The following CTNNA1 variants were observed in gnomAD, a reference collection of about 807,000 sequenced individuals.
CTNNA1 encodes catenin alpha-1.
A neutral mutation model predicts 98.4 loss-of-function variants in CTNNA1; 37 were observed. The observed-to-expected ratio is 0.38, with a 90% CI of 0.29 to 0.49. CTNNA1 has a LOEUF of 0.49. Ranked by LOEUF, CTNNA1 falls within the 20% of genes least tolerant of loss-of-function variation. The pLI is 0.95. For missense variants in CTNNA1, 761 were observed against 1,147.2 expected, an observed-to-expected ratio of 0.66 and a Z score of 4.86; for synonymous variants, 404 against 413.2, an observed-to-expected ratio of 0.98 and a Z score of 0.27.
At chr5:138,770,869 G>A (rs1020755589) in intron 1 of CTNNA1, among the ~76,000 whole-genome samples, 3 of 151,592 alleles carry the variant, frequency 2.0e-5, no homozygotes, top group Admixed American at 6.6e-5. Flanking sequence ...GGAGAATGGC[G>A]TGAACCCGGG....
intron 16 of CTNNA1, 138 bp downstream of exon 16, chr5:138,931,073 G>GC (rs1338703122): frequency 4.7e-6 from 3 of 641,588 alleles, no homozygotes; most frequent in African/African-American, 3.7e-5. Flanking sequence ...ATTAATCCCA[G>GC]CATAGATTTG....
intron 3 of CTNNA1, among the ~76,000 whole-genome samples, chr5:138,805,887 A>T (rs1011278534): frequency 1.3e-5 from 2 of 150,790 alleles, no homozygotes; most frequent in Non-Finnish European, 3.0e-5. Context: ...ACAAAATTTT[A>T]AATTTTTTTG....
intron 11 of CTNNA1, among the ~76,000 whole-genome samples, chr5:138,919,916 C>G (rs1032614480): frequency 2.0e-5 from 3 of 150,946 alleles, no homozygotes; most frequent in Non-Finnish European, 2.9e-5. Context: ...TTTCAGCATT[C>G]AGACTCCTTT....
intron 3 of CTNNA1, among the ~76,000 whole-genome samples, chr5:138,786,418 C>G (rs998514086): frequency 6.6e-6 from 1 of 152,032 alleles, no homozygotes; most frequent in African/African-American, 2.4e-5. Context: ...GTCGTTGAAG[C>G]CATTTACTCA....
chr5:138,809,262 C>T (rs1014783809), intron 3 of CTNNA1, among the ~76,000 whole-genome samples: 3 of 152,056 alleles, frequency 2.0e-5, no homozygotes, highest in Non-Finnish European at 2.9e-5. Context: ...GATACAATAC[C>T]TCTTCATTAT....
At chr5:138,855,514 T>G (rs1763654864) in intron 7 of CTNNA1, among the ~76,000 whole-genome samples, 1 of 152,254 alleles carries the variant, frequency 6.6e-6, no homozygotes, top group South Asian at 2.1e-4. Context: ...TTTTTCCTGT[T>G]TCCTAAAAAT....
chr5:138,894,216 G>A (rs552279254), intron 9 of CTNNA1, among the ~76,000 whole-genome samples: 2 of 151,966 alleles, frequency 1.3e-5, no homozygotes, highest in South Asian at 2.1e-4. Flanking sequence ...ACCATGCCTG[G>A]CCTCTGATGT....
intron 10 of CTNNA1, among the ~76,000 whole-genome samples, chr5:138,907,991 T>C (rs1283822011): frequency 6.6e-6 from 1 of 151,720 alleles, no homozygotes; most frequent in Non-Finnish European, 1.5e-5. Flanking sequence ...TTCTTCTTCT[T>C]CTTCGAGACA....
Position 138,827,480 on chromosome 5 carries a change from A to G in CTNNA1, c.859-35A>G, listed in dbSNP as rs1490582207. 6 of 1,603,832 alleles carry G rather than the reference A, an allele frequency of 3.7e-6. No individual in the cohort carries two copies. In the South Asian group the frequency reaches 5.5e-5, roughly 15 times the overall value. ...ACCTTGAATAAAGAAGGGAACAGAG[A>G]TGAGTACTAACATTCGGTAATACTT... On this transcript the variant is annotated intron_variant, in intron 6 of 17. Transcript: ENST00000302763.
intron 7 of CTNNA1, chr5:138,875,581 G>C (rs1751303579): frequency 1.0e-6 from 1 of 985,344 alleles, no homozygotes. Flanking sequence ...CTGCATTCAA[G>C]AAGACCCATC....
rs1039783904 is a variant in CTNNA1, at chr5:138,773,250, A to G, written c.-2-8673A>G. 3.3e-4 allele frequency among the ~76,000 whole-genome samples: 50 copies of G among 152,194 alleles called. 1 individual carries two copies. The highest frequency in any genetic ancestry group is 3.1e-3 in the Admixed American group (47 of 15,274). Reference sequence around the variant, plus strand: ...AATAATGGCATAAATAAGTAAACAAAGAAGACGATACGAGCTAAAATAAAA... The same window carrying G: ...AATAATGGCATAAATAAGTAAACAAGGAAGACGATACGAGCTAAAATAAAA... On this transcript the variant is annotated intron_variant, in intron 1 of 17. Transcript: ENST00000302763.
chr5:138,850,943 G>A (rs780439154), intron 7 of CTNNA1, among the ~76,000 whole-genome samples: 13 of 152,164 alleles, frequency 8.5e-5, no homozygotes, highest in Non-Finnish European at 1.5e-4. Flanking sequence ...ATGCACAAAC[G>A]TTCTGTTAGG....
rs769526707 is a variant in CTNNA1, at chr5:138,930,459, G to A, written c.2011-14G>A. ...TTCTTTTTATGTAAGAGCTCTTTGT[G>A]CTTCTGATCACAGGCGATCATGGCT... On this transcript the variant is annotated splice_polypyrimidine_tract_variant and intron_variant, in intron 14 of 17. Transcript: ENST00000302763. 1.3e-5 allele frequency: 20 copies of A among 1,594,572 alleles called. No individual in the cohort carries two copies. The East Asian group carries it at 4.2e-4, about 34-fold the overall frequency.
At chr5:138,878,730 G>A (rs995388731) in intron 7 of CTNNA1, among the ~76,000 whole-genome samples, 8 of 152,126 alleles carry the variant, frequency 5.3e-5, no homozygotes, top group African/African-American at 1.9e-4. Flanking sequence ...GAAATTTCCT[G>A]TTCTTCTGTG....
chr5:138,833,644 G>T (rs1186805582), intron 7 of CTNNA1, among the ~76,000 whole-genome samples: 1 of 152,152 alleles, frequency 6.6e-6, no homozygotes, highest in African/African-American at 2.4e-5. Context: ...CTGTTGGATA[G>T]TTCTAACCAA....
At chr5:138,884,332 T>C (rs1241340286) in intron 7 of CTNNA1, among the ~76,000 whole-genome samples, 7 of 152,150 alleles carry the variant, frequency 4.6e-5, no homozygotes, top group Non-Finnish European at 7.3e-5. Flanking sequence ...GTTCTTGTTA[T>C]GTAGATGAAG....
rs1434219595 is a variant in CTNNA1, at chr5:138,874,435, C to T, written c.1063-11777C>T. The T allele has an allele frequency of 1.9e-6, 3 of 1,613,832 alleles. No homozygotes were observed. Among genetic ancestry groups the T allele is most frequent in the Non-Finnish European group, 1.7e-6 (2 of 1,179,830 alleles). Reference sequence around the variant, plus strand: ...CCTGAGAGTCGCAGTAGAAGAGCAGCTTCTCGCAGCGGCATTTGGGTGGAC... The same window carrying T: ...CCTGAGAGTCGCAGTAGAAGAGCAGTTTCTCGCAGCGGCATTTGGGTGGAC... On this transcript the variant is annotated intron_variant, in intron 7 of 17. Transcript: ENST00000302763. The surrounding 1 kb of genome is among the most constrained non-coding windows in gnomAD (Gnocchi z 4.1).
rs547099574 is a variant in CTNNA1, at chr5:138,905,503, G to A, written c.1389+1062G>A. ...GTGTTGGAGGAAACCAAATTCACAAGCTAGTCTCTTTATTCTGTAGTGTCA... is the reference window on the plus strand; with the variant it reads ...GTGTTGGAGGAAACCAAATTCACAAACTAGTCTCTTTATTCTGTAGTGTCA... On this transcript the variant is annotated intron_variant, in intron 10 of 17. Transcript: ENST00000302763. 5.3e-5 allele frequency among the ~76,000 whole-genome samples: 8 copies of A among 152,304 alleles called. No individual in the cohort carries two copies. In the South Asian group the frequency reaches 1.7e-3, roughly 32 times the overall value.
intron 1 of CTNNA1, among the ~76,000 whole-genome samples, chr5:138,769,635 C>A (rs368305399): frequency 6.6e-6 from 1 of 151,818 alleles, no homozygotes; most frequent in Non-Finnish European, 1.5e-5. Flanking sequence ...TGGGTTCAAG[C>A]GATTCTCCTG....
Sources: allele counts gnomAD v4.1 joint callset (sites outside exome capture counted in the v4.1 genomes callset), GRCh38; gene constraint gnomAD v4.1.1; non-coding constraint Gnocchi (gnomAD v3.1); transcripts MANE v1.5; gene names NCBI Gene and HGNC (gene_info 2026-07-23, HGNC 2026-07-21).